GNG12: variants seen among roughly 807,000 people sequenced by gnomAD.
The protein encoded by GNG12 is guanine nucleotide-binding protein G(I)/G(S)/G(O) subunit gamma-12.
For missense variants in GNG12, 69 were observed against 83.8 expected (o/e 0.82, Z 0.69); for synonymous variants, 28 against 29.7 (o/e 0.94, Z 0.19).
intron 1 of GNG12, among the ~76,000 whole-genome samples, chr1:67,802,661 G>A (rs796585928): frequency 3.1e-4 from 47 of 152,272 alleles, no homozygotes; most frequent in African/African-American, 1.1e-3. Flanking sequence ...AGTGTCCCAG[G>A]CTACCTCTCT....
intron 2 of GNG12, among the ~76,000 whole-genome samples, chr1:67,748,583 C>A (rs765929753): frequency 6.6e-6 from 1 of 152,060 alleles, no homozygotes; most frequent in African/African-American, 2.4e-5. Flanking sequence ...CTGTTTTATT[C>A]GCACCCTCTA....
At chr1:67,727,869 A>T (rs945889612) in intron 2 of GNG12, among the ~76,000 whole-genome samples, 10 of 152,194 alleles carry the variant, frequency 6.6e-5, no homozygotes, top group African/African-American at 2.4e-4. Context: ...ATGCAAATTT[A>T]TGTGATAAGT....
chr1:67,752,218 A>T (rs1646543180), intron 2 of GNG12, among the ~76,000 whole-genome samples: 2 of 152,176 alleles, frequency 1.3e-5, no homozygotes, highest in African/African-American at 4.8e-5. Context: ...GAGAAATATA[A>T]TTGAATCAAT....
chr1:67,727,566 T>C (rs565426201), intron 2 of GNG12, among the ~76,000 whole-genome samples: 3 of 152,320 alleles, frequency 2.0e-5, no homozygotes, highest in East Asian at 3.9e-4. Flanking sequence ...TGTGCCTTCA[T>C]GAGCTGGAGG....
intron 1 of GNG12, among the ~76,000 whole-genome samples, chr1:67,798,302 G>A (rs934923330): frequency 1.3e-5 from 2 of 152,132 alleles, no homozygotes; most frequent in Non-Finnish European, 2.9e-5. Flanking sequence ...AATCTAGGTT[G>A]TACACTCCTT....
intron 1 of GNG12, among the ~76,000 whole-genome samples, chr1:67,782,726 T>C (rs955514742): frequency 2.0e-5 from 3 of 152,026 alleles, no homozygotes; most frequent in African/African-American, 7.2e-5. Context: ...TGAAAAAGAG[T>C]AAACAAGAAA....
chr1:67,789,791 C>T (rs1055586832), intron 1 of GNG12, among the ~76,000 whole-genome samples: 1 of 151,788 alleles, frequency 6.6e-6, no homozygotes, highest in African/African-American at 2.4e-5. Context: ...GAGCGCACTT[C>T]CCCAGGCCTT....
At chr1:67,777,399 G>T in intron 2 of GNG12, 59 bp downstream of exon 2, 1 of 292,500 alleles carries the variant, frequency 3.4e-6, no homozygotes, top group Non-Finnish European at 5.1e-6. Context: ...TTAGAAGTGT[G>T]AATATCATCT....
chr1:67,816,459 C>A (rs935228009), intron 1 of GNG12, among the ~76,000 whole-genome samples: 2 of 152,226 alleles, frequency 1.3e-5, no homozygotes, highest in Non-Finnish European at 1.5e-5. Flanking sequence ...CCCCTGCCTT[C>A]ATCTGGACTC....
At chr1:67,818,335 T>C (rs1175191129) in intron 1 of GNG12, among the ~76,000 whole-genome samples, 2 of 151,572 alleles carry the variant, frequency 1.3e-5, no homozygotes, top group Non-Finnish European at 2.9e-5. Context: ...TTTGGACAAC[T>C]TGGCCAATGT....
intron 1 of GNG12, among the ~76,000 whole-genome samples, chr1:67,803,183 T>C (rs1357887740): frequency 1.3e-5 from 2 of 151,846 alleles, no homozygotes; most frequent in African/African-American, 4.8e-5. Context: ...AAAATTTTAT[T>C]CCTTGATATT....
At chr1:67,833,002 C>T (rs1647058482) in intron 1 of GNG12, among the ~76,000 whole-genome samples, 1 of 152,128 alleles carries the variant, frequency 6.6e-6, no homozygotes, top group Admixed American at 6.5e-5. Flanking sequence ...TTCCTTCCAC[C>T]CCCAGCCCTA....
intron 2 of GNG12, among the ~76,000 whole-genome samples, chr1:67,770,046 T>C (rs1023821271): frequency 6.6e-6 from 1 of 152,164 alleles, no homozygotes; most frequent in Admixed American, 6.5e-5. Flanking sequence ...AGAAGGGAAG[T>C]GTCTCACACT....
intron 1 of GNG12, among the ~76,000 whole-genome samples, chr1:67,794,470 T>C (rs905801712): frequency 3.3e-5 from 5 of 152,342 alleles, no homozygotes; most frequent in Non-Finnish European, 7.3e-5. Context: ...GGCCACTTGC[T>C]GACCACGAGA....
At chr1:67,822,940 A>G (rs979635334) in intron 1 of GNG12, among the ~76,000 whole-genome samples, 3 of 152,154 alleles carry the variant, frequency 2.0e-5, no homozygotes, top group African/African-American at 7.2e-5. Flanking sequence ...AGAGCACTTC[A>G]AAAAGAAAGA....
chr1:67,766,098 G>GCACACACA (rs1278948416), intron 2 of GNG12, among the ~76,000 whole-genome samples: 14 of 100,888 alleles, frequency 1.4e-4, no homozygotes, highest in East Asian at 5.4e-4. Context: ...ACAAAACAAG[G>GCACACACA]CACACACGCA....
intron 1 of GNG12, among the ~76,000 whole-genome samples, chr1:67,779,551 T>C (rs931788566): frequency 1.3e-5 from 2 of 152,076 alleles, no homozygotes; most frequent in African/African-American, 4.8e-5. Context: ...ATTCTGTTCT[T>C]TCTGCCCAAC....
At chr1:67,829,995 A>G (rs1033908564) in intron 1 of GNG12, among the ~76,000 whole-genome samples, 1 of 139,080 alleles carries the variant, frequency 7.2e-6, no homozygotes, top group African/African-American at 2.6e-5. Flanking sequence ...TGTTTTAAAG[A>G]TGGAGGCTTT....
intron 2 of GNG12, among the ~76,000 whole-genome samples, chr1:67,763,430 T>G (rs1482856327): frequency 2.6e-5 from 4 of 152,224 alleles, no homozygotes; most frequent in African/African-American, 9.6e-5. Flanking sequence ...GTGCTGGTTA[T>G]TTTGTGGAAT....
Sources: gnomAD v4.1 joint callset for allele counts (sites outside exome capture counted in the v4.1 genomes callset) on GRCh38, gnomAD v4.1.1 for gene constraint, MANE v1.5 for transcripts, NCBI Gene and HGNC (gene_info 2026-07-23, HGNC 2026-07-21) for gene names.